The following SHLD1 variants were observed in gnomAD, a reference collection of about 807,000 sequenced individuals.
SHLD1 encodes RINN1-REV7-interacting novel NHEJ regulator 3.
In SHLD1, 3 loss-of-function variants were observed where a neutral mutation model predicts 5.5. That is an observed-to-expected ratio of 0.54 (90% confidence interval 0.25 to 1.40). SHLD1 has a LOEUF of 1.40. Among genes scored for constraint, SHLD1 ranks in the 40% most tolerant of loss-of-function variants. The pLI is 0.15. For synonymous variants in SHLD1, 92 were observed against 94.3 expected (o/e 0.98, Z 0.14); for missense variants, 210 against 244.4 (o/e 0.86, Z 0.94).
At chr20:5,821,233 G>T (rs993062930) in intron 2 of SHLD1, among the ~76,000 whole-genome samples, 3 of 152,152 alleles carry the variant, frequency 2.0e-5, no homozygotes, top group African/African-American at 7.2e-5. Flanking sequence ...ATTAAGGCTG[G>T]GCGTGGTGGT....
intron 2 of SHLD1, among the ~76,000 whole-genome samples, chr20:5,861,013 GC>G (rs1335974851): frequency 6.6e-6 from 1 of 151,852 alleles, no homozygotes. Flanking sequence ...TGTTTTGGGT[GC>G]CCCCTGGCCA....
At chr20:5,817,428 C>CTG (rs1174731545) in intron 2 of SHLD1, among the ~76,000 whole-genome samples, 36 of 111,980 alleles carry the variant, frequency 3.2e-4, no homozygotes, top group African/African-American at 9.5e-4. Context: ...CTCTCTCTCT[C>CTG]TCTCTGTGTG....
At chr20:5,805,185 T>G (rs1036705350) in intron 2 of SHLD1, among the ~76,000 whole-genome samples, 1 of 152,192 alleles carries the variant, frequency 6.6e-6, no homozygotes, top group African/African-American at 2.4e-5. Flanking sequence ...GAGATGGAGT[T>G]TCGCTCTTGT....
chr20:5,765,701 C>T (rs1036266188), intron 1 of SHLD1, among the ~76,000 whole-genome samples: 1 of 151,568 alleles, frequency 6.6e-6, no homozygotes, highest in Non-Finnish European at 1.5e-5. Flanking sequence ...AATCTGCCTC[C>T]ACTTCTGGTT....
In SHLD1 at chr20:5,855,342, C is replaced by A. The variant is rs1312143504; in HGVS notation, c.179-7682C>A. On this transcript the variant is annotated intron_variant, in intron 2 of 2. Transcript: ENST00000303142. The surrounding 1 kb of genome is among the most constrained non-coding windows in gnomAD (Gnocchi z 4.4). ...TTCTTTTTAAGGCTGAATAATATTT[C>A]ATTGTGTGCACATACTAACACATTT... 1.3e-5 allele frequency among the ~76,000 whole-genome samples: 2 copies of A among 152,048 alleles called. No homozygotes were observed. The highest frequency in any genetic ancestry group is 2.9e-5 in the Non-Finnish European group (2 of 68,016).
At chr20:5,839,740 T>A (rs2122464350) in intron 2 of SHLD1, among the ~76,000 whole-genome samples, 1 of 152,332 alleles carries the variant, frequency 6.6e-6, no homozygotes, top group East Asian at 1.9e-4. Flanking sequence ...GATGTAGGAT[T>A]AGTAAGATGT....
intron 1 of SHLD1, chr20:5,772,160 G>A (rs1985204031): frequency 4.4e-6 from 2 of 453,836 alleles, no homozygotes; most frequent in Non-Finnish European, 8.9e-6. Context: ...ACAGGTATGA[G>A]CCAGTGTGCC....
chr20:5,856,217 T>C (rs2088082024), intron 2 of SHLD1, among the ~76,000 whole-genome samples: 1 of 152,176 alleles, frequency 6.6e-6, no homozygotes, highest in Admixed American at 6.5e-5. Context: ...GAGGACGTGA[T>C]ATGTGGAGCA....
chr20:5,765,769 C>CTTTTTTT (rs756234026), intron 1 of SHLD1, among the ~76,000 whole-genome samples: 1 of 62,092 alleles, frequency 1.6e-5, no homozygotes, highest in Non-Finnish European at 2.8e-5. Flanking sequence ...CGCACAAATC[C>CTTTTTTT]TTTTTTTTTT....
chr20:5,843,174 G>A (rs2087886916), intron 2 of SHLD1, among the ~76,000 whole-genome samples: 1 of 152,092 alleles, frequency 6.6e-6, no homozygotes, highest in South Asian at 2.1e-4. Flanking sequence ...ACATATGAGG[G>A]CATGTCAGTC....
intron 2 of SHLD1, among the ~76,000 whole-genome samples, chr20:5,849,726 G>A (rs997588538): frequency 1.3e-5 from 2 of 151,984 alleles, no homozygotes; most frequent in South Asian, 4.2e-4. Flanking sequence ...TTGGGAGGCC[G>A]AGGCGGGTGG....
intron 2 of SHLD1, among the ~76,000 whole-genome samples, chr20:5,813,072 C>T (rs2087481148): frequency 6.6e-6 from 1 of 151,954 alleles, no homozygotes; most frequent in Non-Finnish European, 1.5e-5. Context: ...GGTGGGGTTT[C>T]ACCATGTTGC....
At position 5,817,422 on chromosome 20, in the gene SHLD1, CTCTCTCTCTCTGTGTGTG is replaced by C. The variant is rs1206687121; in HGVS notation, c.178+44381_178+44398del. Among the ~76,000 whole-genome samples the C allele has an allele frequency of 3.3e-3, 430 of 131,694 alleles. 1 individual carries two copies. Among genetic ancestry groups the C allele is most frequent in the African/African-American group, 0.014 (411 of 28,390 alleles). 86.4% of individuals were successfully genotyped at this position (131,694 alleles called of 152,430 possible). On this transcript the variant is annotated intron_variant, in intron 2 of 2. Coordinates refer to ENST00000303142, the MANE Select transcript of SHLD1 (RefSeq NM_152504.4). ...TCTCTCTCTCTCTCTCTCTCTCTCT[CTCTCTCTCTCTGTGTGTG>C]TGTGTGTGTGTGTGTGTGTGTGTGT... is the stretch of plus-strand genomic sequence containing the variant.
chr20:5,859,423 A>G (rs1181095808), intron 2 of SHLD1, among the ~76,000 whole-genome samples: 1 of 152,204 alleles, frequency 6.6e-6, no homozygotes, highest in Non-Finnish European at 1.5e-5. Context: ...AAACATCCCT[A>G]GACTCTCCCT....
intron 2 of SHLD1, among the ~76,000 whole-genome samples, chr20:5,785,796 C>CA (rs34293571): frequency 0.32 from 26,132 of 81,954 alleles, 2,889 homozygotes; most frequent in Middle Eastern, 0.43. Context: ...ACTCCGTCTC[C>CA]AAAAAAAAAA....
chr20:5,832,126 C>T (rs777679537), intron 2 of SHLD1, among the ~76,000 whole-genome samples: 9 of 152,152 alleles, frequency 5.9e-5, no homozygotes, highest in East Asian at 1.9e-4. Flanking sequence ...TTTTCAATAG[C>T]GATGGGGTTT....
chr20:5,837,864 A>C (rs1392001354), intron 2 of SHLD1, among the ~76,000 whole-genome samples: 1 of 152,198 alleles, frequency 6.6e-6, no homozygotes, highest in Non-Finnish European at 1.5e-5. Flanking sequence ...ATTGTTGCAA[A>C]TCTCCAAAAC....
intron 1 of SHLD1, among the ~76,000 whole-genome samples, chr20:5,768,053 C>T (rs1984942975): frequency 2.0e-5 from 3 of 149,382 alleles, no homozygotes; most frequent in South Asian, 2.1e-4. Context: ...CGGCTCACTG[C>T]GACCTCTGCC....
chr20:5,854,973 A>C (rs2088063436), intron 2 of SHLD1, among the ~76,000 whole-genome samples: 1 of 151,106 alleles, frequency 6.6e-6, no homozygotes, highest in Admixed American at 6.6e-5. Flanking sequence ...TCCTGGACTC[A>C]AGTGATCCTC....
Sources: allele counts gnomAD v4.1 joint callset (sites outside exome capture counted in the v4.1 genomes callset), GRCh38; gene constraint gnomAD v4.1.1; non-coding constraint Gnocchi (gnomAD v3.1); transcripts MANE v1.5; gene names NCBI Gene and HGNC (gene_info 2026-07-23, HGNC 2026-07-21).